Variants in WWOX observed in about 807,000 individuals in gnomAD.
The protein encoded by WWOX is WW domain-containing oxidoreductase.
A neutral mutation model predicts 46.2 loss-of-function variants in WWOX; 69 were observed. The observed-to-expected ratio is 1.49, with a 90% CI of 1.23 to 1.82. WWOX has a LOEUF of 1.82. WWOX is among the 40% of genes most tolerant of loss of function. The probability of loss-of-function intolerance (pLI) is 0.00; values close to 1 mark genes in which losing one functional copy is unlikely to be tolerated. For missense variants in WWOX, 919 were observed against 542.6 expected (o/e 1.69, Z -6.89); for synonymous variants, 359 against 202.6 (o/e 1.77, Z -6.56).
At chr16:79,029,990 C>G (rs549637444) in intron 8 of WWOX, among the ~76,000 whole-genome samples, 3 of 152,166 alleles carry the variant, frequency 2.0e-5, no homozygotes, top group African/African-American at 7.2e-5. Flanking sequence ...GTAAGCCAAC[C>G]GCTATGAACT....
intron 8 of WWOX, among the ~76,000 whole-genome samples, chr16:78,826,637 G>A (rs997502466): frequency 6.6e-6 from 1 of 152,142 alleles, no homozygotes; most frequent in Non-Finnish European, 1.5e-5. Context: ...CTTCCTGGCT[G>A]ATCTCATGTC....
chr16:78,152,864 C>A (rs1247100207), intron 4 of WWOX, among the ~76,000 whole-genome samples: 4 of 151,972 alleles, frequency 2.6e-5, no homozygotes, highest in Non-Finnish European at 5.9e-5. Flanking sequence ...TAAAGATATT[C>A]CACATGAACT....
intron 8 of WWOX, among the ~76,000 whole-genome samples, chr16:78,857,119 G>A (rs1036741632): frequency 2.6e-5 from 4 of 152,218 alleles, no homozygotes; most frequent in Admixed American, 6.5e-5. Context: ...TCATTATGCA[G>A]TGTGTGATAG....
At chr16:78,213,038 A>G (rs1040263337) in intron 5 of WWOX, among the ~76,000 whole-genome samples, 1 of 151,986 alleles carries the variant, frequency 6.6e-6, no homozygotes, top group Non-Finnish European at 1.5e-5. Flanking sequence ...GGATCACTTT[A>G]GGTCAGAAGT....
intron 8 of WWOX, among the ~76,000 whole-genome samples, chr16:78,770,664 C>T (rs189248161): frequency 6.6e-6 from 1 of 151,744 alleles, no homozygotes; most frequent in South Asian, 2.1e-4. Context: ...CGCCCCCTCC[C>T]CCCCTCCCCG....
At chr16:78,734,625 C>A (rs2049042266) in intron 8 of WWOX, among the ~76,000 whole-genome samples, 1 of 151,948 alleles carries the variant, frequency 6.6e-6, no homozygotes, top group Non-Finnish European at 1.5e-5. Context: ...GTCCCAGTCA[C>A]AGGGTGCCCA....
chr16:79,110,875 C>T (rs1346144053), intron 8 of WWOX: 2 of 152,108 alleles, frequency 1.3e-5, no homozygotes, highest in Non-Finnish European at 2.9e-5. Flanking sequence ...AAAATGAGAA[C>T]ACTGTTATTG....
chr16:78,883,736 G>GA (rs964880157), intron 8 of WWOX, among the ~76,000 whole-genome samples: 18 of 147,352 alleles, frequency 1.2e-4, no homozygotes, highest in South Asian at 2.2e-4. Flanking sequence ...AAAAAAAAAA[G>GA]AAAAAAAAAG....
chr16:78,796,708 C>G (rs976568310), intron 8 of WWOX, among the ~76,000 whole-genome samples: 2 of 152,220 alleles, frequency 1.3e-5, no homozygotes, highest in African/African-American at 4.8e-5. Context: ...AGAAAGGGCC[C>G]TGCCTGGGCT....
rs9923576 is a variant in WWOX, at chr16:78,779,434, C to G, written c.1056+346682C>G. On this transcript the variant is annotated intron_variant, in intron 8 of 8. Coordinates refer to ENST00000566780, the MANE Select transcript of WWOX (RefSeq NM_016373.4). ...TACAGGTAAGAGCCACCGTGTCCGG[C>G]CCCCCTTTCTTCTTTTTTAAAGTGG... 2.3e-3 allele frequency among the ~76,000 whole-genome samples: 357 copies of G among 152,230 alleles called. 3 individuals are homozygous for G. The highest frequency in any genetic ancestry group is 8.4e-3 in the African/African-American group (348 of 41,536).
At chr16:78,417,040 G>GGTGTGTGTGTGTGTGTGT (rs143606762) in intron 6 of WWOX, among the ~76,000 whole-genome samples, 297 of 151,376 alleles carry the variant, frequency 2.0e-3, no homozygotes, top group African/African-American at 5.5e-3. Flanking sequence ...ACCCTTTGGG[G>GGTGTGTGTGTGTGTGTGT]GTGTGTGTGT....
At chr16:79,043,757 T>C (rs1317496924) in intron 8 of WWOX, among the ~76,000 whole-genome samples, 3 of 152,208 alleles carry the variant, frequency 2.0e-5, no homozygotes, top group Admixed American at 1.3e-4. Flanking sequence ...TGAAATGATA[T>C]TATCAGACAC....
rs914542036 is a variant in WWOX at position 79,127,025 on chromosome 16, A to AT, written c.1057-84574dup. 1.1e-4 allele frequency among the ~76,000 whole-genome samples: 16 copies of AT among 151,448 alleles called. No homozygotes were observed. In the East Asian group the frequency reaches 2.3e-3, roughly 22 times the overall value. Reference sequence around the variant, plus strand: ...TTTTTAAACTTATTTCTTTAATTTTATTTTTTTTTAAATTAGGATTAAAAA... The same window carrying AT: ...TTTTTAAACTTATTTCTTTAATTTTATTTTTTTTTTAAATTAGGATTAAAAA... On this transcript the variant is annotated intron_variant, in intron 8 of 8. Coordinates refer to ENST00000566780, the MANE Select transcript of WWOX (RefSeq NM_016373.4).
chr16:78,735,719 A>G (rs1287011128), intron 8 of WWOX, among the ~76,000 whole-genome samples: 1 of 152,138 alleles, frequency 6.6e-6, no homozygotes, highest in Non-Finnish European at 1.5e-5. Flanking sequence ...TACTAGTTCT[A>G]TGTCAATGAT....
intron 8 of WWOX, among the ~76,000 whole-genome samples, chr16:78,964,084 G>A (rs534308337): frequency 1.3e-5 from 2 of 152,268 alleles, no homozygotes; most frequent in Non-Finnish European, 1.5e-5. Flanking sequence ...CCGGTCTCAG[G>A]TTATGTCTTT....
chr16:78,922,627 C>G (rs1294974741), intron 8 of WWOX, among the ~76,000 whole-genome samples: 1 of 152,192 alleles, frequency 6.6e-6, no homozygotes, highest in African/African-American at 2.4e-5. Flanking sequence ...GATCCCCTCA[C>G]CTTGGCCTCC....
At chr16:78,749,218 CT>C (rs931479539) in intron 8 of WWOX, among the ~76,000 whole-genome samples, 16 of 152,112 alleles carry the variant, frequency 1.1e-4, no homozygotes, top group African/African-American at 3.9e-4. Flanking sequence ...ACACAGACTA[CT>C]GTTTAACCAC....
intron 8 of WWOX, among the ~76,000 whole-genome samples, chr16:79,083,644 G>A (rs182579439): frequency 2.0e-5 from 3 of 152,122 alleles, no homozygotes; most frequent in African/African-American, 7.2e-5. Flanking sequence ...AGTTAGGTTC[G>A]AAGGAAAACA....
intron 8 of WWOX, among the ~76,000 whole-genome samples, chr16:78,885,956 G>T (rs770492492): frequency 5.0e-4 from 60 of 120,788 alleles, no homozygotes; most frequent in Non-Finnish European, 9.0e-4. Flanking sequence ...ACAGAGTTTT[G>T]CTCTGTTGCC....
Sources: gnomAD v4.1 joint callset for allele counts (sites outside exome capture counted in the v4.1 genomes callset) on GRCh38, gnomAD v4.1.1 for gene constraint, MANE v1.5 for transcripts, NCBI Gene and HGNC (gene_info 2026-07-23, HGNC 2026-07-21) for gene names.